The following GPHN variants were observed in gnomAD, a reference collection of about 807,000 sequenced individuals.
The protein encoded by GPHN is gephyrin.
Under a neutral mutation model 95.5 loss-of-function variants are expected in GPHN, and 17 were observed. That is an observed-to-expected ratio of 0.18 (90% CI 0.12 to 0.27). GPHN has a LOEUF of 0.27. Among genes scored for constraint, GPHN ranks in the 10% least tolerant of loss-of-function variants. GPHN has a pLI of 1.00. For missense variants in GPHN, 660 were observed against 978.1 expected, an observed-to-expected ratio of 0.67 and a Z score of 4.34; for synonymous variants, 320 against 322.5, an observed-to-expected ratio of 0.99 and a Z score of 0.08.
the GPHN span, among the ~76,000 whole-genome samples, chr14:67,309,672 C>T: frequency 6.6e-6 from 1 of 152,146 alleles, no homozygotes; most frequent in East Asian, 1.9e-4. Context: ...ATATTCCCTC[C>T]TCACGGGTCT....
chr14:66,777,025 A>G (rs2059406618), intron 3 of GPHN, among the ~76,000 whole-genome samples: 1 of 151,888 alleles, frequency 6.6e-6, no homozygotes, highest in South Asian at 2.1e-4. Context: ...TCCCAATGCT[A>G]TCCCGAGCTG....
At chr14:66,907,390 A>G (rs1053442167) in intron 5 of GPHN, among the ~76,000 whole-genome samples, 3 of 152,206 alleles carry the variant, frequency 2.0e-5, no homozygotes, top group African/African-American at 7.2e-5. Flanking sequence ...TAAGAACAGT[A>G]AAATGATCAG....
chr14:67,448,889 T>C, the GPHN span, among the ~76,000 whole-genome samples: 1 of 152,172 alleles, frequency 6.6e-6, no homozygotes, highest in South Asian at 2.1e-4. Flanking sequence ...ATCTTGAAAA[T>C]AGAAGACTTG....
chr14:67,289,648 A>T, the GPHN span, among the ~76,000 whole-genome samples: 2 of 152,324 alleles, frequency 1.3e-5, no homozygotes, highest in African/African-American at 4.8e-5. Context: ...AAATCTATTT[A>T]AAAATTTAAC....
At chr14:66,725,036 C>G (rs2071089819) in intron 2 of GPHN, among the ~76,000 whole-genome samples, 1 of 152,142 alleles carries the variant, frequency 6.6e-6, no homozygotes, top group Non-Finnish European at 1.5e-5. Context: ...AAAAGTGTGG[C>G]TCTTCTTATA....
chr14:66,850,256 C>G (rs1229769074), intron 4 of GPHN, among the ~76,000 whole-genome samples: 1 of 152,080 alleles, frequency 6.6e-6, no homozygotes, highest in Non-Finnish European at 1.5e-5. Context: ...AATATAAACT[C>G]TTACACAATT....
intron 1 of GPHN, among the ~76,000 whole-genome samples, chr14:66,642,561 T>TTTG (rs1207118559): frequency 1.3e-5 from 2 of 149,182 alleles, no homozygotes; most frequent in East Asian, 3.9e-4. Context: ...TGATTTTTGT[T>TTTG]TTTTTTTTTT....
chr14:66,670,690 G>A (rs532795344), intron 1 of GPHN, among the ~76,000 whole-genome samples: 1 of 152,330 alleles, frequency 6.6e-6, no homozygotes, highest in South Asian at 2.1e-4. Flanking sequence ...TACTTGGGAA[G>A]CTGAGGGAGA....
intron 6 of GPHN, among the ~76,000 whole-genome samples, chr14:66,917,927 A>G (rs1317496079): frequency 6.6e-6 from 1 of 152,110 alleles, no homozygotes; most frequent in Non-Finnish European, 1.5e-5. Flanking sequence ...AGAAAATCTT[A>G]TTTTTGACAC....
At chr14:67,499,138 G>T in the GPHN span, among the ~76,000 whole-genome samples, 2 of 152,012 alleles carry the variant, frequency 1.3e-5, no homozygotes, top group Middle Eastern at 3.2e-3. Flanking sequence ...AAGTAGCTAG[G>T]ACTACAGGCA....
chr14:66,709,306 G>A, intron 2 of GPHN: 1 of 455,590 alleles, frequency 2.2e-6, no homozygotes, highest in South Asian at 1.6e-5. Flanking sequence ...CTGAAATGAA[G>A]AGCCCCATCT....
chr14:66,775,499 A>G (rs1595866479), intron 2 of GPHN, among the ~76,000 whole-genome samples: 1 of 152,176 alleles, frequency 6.6e-6, no homozygotes, highest in Non-Finnish European at 1.5e-5. Flanking sequence ...TATTTAACCC[A>G]ATATATCAAA....
chr14:67,136,353 A>G (rs2080076508), intron 17 of GPHN, among the ~76,000 whole-genome samples: 1 of 152,210 alleles, frequency 6.6e-6, no homozygotes, highest in Non-Finnish European at 1.5e-5. Context: ...CTAGTCTTCT[A>G]TTAAAGTACA....
rs2076704265 is a variant in GPHN at position 67,081,691 on chromosome 14, G to A, written c.1145-7292G>A. ...CTTTGCCTAAGCCAATGTCTAGAAG[G>A]GTTTTTCTGATGTTATCTTCTAGAA... On this transcript the variant is annotated intron_variant, in intron 11 of 22. Coordinates refer to ENST00000478722, the MANE Select transcript of GPHN (RefSeq NM_020806.5). Among the ~76,000 whole-genome samples the A allele has an allele frequency of 2.6e-5, 4 of 152,236 alleles. No homozygotes were observed. The South Asian group carries it at 6.2e-4, about 24-fold the overall frequency.
chr14:67,359,839 G>A, the GPHN span: 53 of 900,328 alleles, frequency 5.9e-5, no homozygotes, highest in African/African-American at 1.7e-4. Flanking sequence ...AGAGGCAGCA[G>A]GGACACCCAT....
chr14:66,668,842 T>A (rs1378670675), intron 1 of GPHN, among the ~76,000 whole-genome samples: 2 of 152,046 alleles, frequency 1.3e-5, no homozygotes, highest in Non-Finnish European at 2.9e-5. Context: ...AAGAAATTGA[T>A]TGTCATTTGT....
rs1465938653 is a variant in GPHN, at chr14:66,683,365, T to TGTTC, written c.143+2180_143+2181insGTTC. Among the ~76,000 whole-genome samples, 437 of 101,818 alleles carry TGTTC rather than the reference T, an allele frequency of 4.3e-3. 11 individuals are homozygous for TGTTC. The highest frequency in any genetic ancestry group is 9.7e-3 in the Middle Eastern group (2 of 206). The allele number at this position is 101,818 out of a possible 152,430, so 66.8% of individuals were successfully genotyped here. ...ATATATATATATATATATATATATATATATATATATATATGTTCATATATA... is the reference window on the plus strand; with the variant it reads ...ATATATATATATATATATATATATATGTTCATATATATATATATGTTCATATATA... On this transcript the variant is annotated intron_variant, in intron 2 of 22. Coordinates refer to ENST00000478722, the MANE Select transcript of GPHN (RefSeq NM_020806.5).
In GPHN at chr14:67,100,890, G is replaced by C. The variant is rs1200380965; in HGVS notation, c.1272G>C (p.Gly424=). ...ADGPGDRFII[G]ESQAGEQPTQ... ...GCCCAGGAGATCGTTTCATCATTGG[G>C]GAATCCCAAGCTGGTGAACAGGTGA... The change falls in exon 13 of 23, where the codon GGG becomes GGC. Residue 424 remains glycine, a synonymous_variant. Transcript: ENST00000478722. 6.2e-7 allele frequency: 1 copy of C among 1,606,076 alleles called. No homozygotes were observed. The highest frequency in any genetic ancestry group is 8.5e-7 in the Non-Finnish European group (1 of 1,172,754).
chr14:67,103,598 T>G (rs1166994487), intron 13 of GPHN, among the ~76,000 whole-genome samples: 1 of 146,646 alleles, frequency 6.8e-6, no homozygotes, highest in African/African-American at 2.5e-5. Flanking sequence ...ATTTTTTACC[T>G]CTTTGGCTAA....
Sources: allele counts gnomAD v4.1 joint callset (sites outside exome capture counted in the v4.1 genomes callset), GRCh38; gene constraint gnomAD v4.1.1; transcripts MANE v1.5; gene names NCBI Gene and HGNC (gene_info 2026-07-23, HGNC 2026-07-21).